The following TMC2 variants were observed in gnomAD, a reference collection of about 807,000 sequenced individuals.
TMC2 encodes the protein transmembrane channel-like protein 2.
TMC2 carries 102 observed loss-of-function variants against 105.9 expected under a neutral mutation model. That is an observed-to-expected ratio of 0.96 (90% CI 0.82 to 1.14). The LOEUF (loss-of-function observed/expected upper bound fraction) is 1.14, where lower values mean the gene tolerates loss of function less well. TMC2 is among the 50% of genes most tolerant of loss of function. The probability of loss-of-function intolerance (pLI) is 0.00; values close to 1 mark genes in which losing one functional copy is unlikely to be tolerated. For missense variants in TMC2, 1,093 were observed against 1,134.3 expected (o/e 0.96, Z 0.52); for synonymous variants, 402 against 422.8 (o/e 0.95, Z 0.60).
intron 15 of TMC2, 48 bp from the exon 16 acceptor site, chr20:2,617,024 C>T: frequency 6.2e-7 from 1 of 1,611,544 alleles, no homozygotes; most frequent in Non-Finnish European, 8.5e-7. Flanking sequence ...CCTTCCCTCG[C>T]CTTCCCTGCT....
At position 2,592,334 on chromosome 20, in the gene TMC2, A is replaced by G; in HGVS notation, c.859A>G (p.Ser287Gly). Reference sequence around the variant, plus strand: ...GGTACTGATGGGCATGCCCTATGGGAGTATTCCCAGAAAGACAGTGCCTCG... The same window carrying G: ...GGTACTGATGGGCATGCCCTATGGGGGTATTCCCAGAAAGACAGTGCCTCG... ...PEVLMGMPYG[S>G]IPRKTVPRAE... Residue 287 changes from serine (S) to glycine (G), a missense_variant, in exon 8 of 20, where the codon AGT (serine) becomes GGT (glycine). Transcript: ENST00000358864. This position sits in a 1 kb window ranked among gnomAD's most constrained non-coding sequence, Gnocchi z 4.9. 2 of 1,613,814 alleles carry G rather than the reference A, an allele frequency of 1.2e-6. No homozygotes were observed. Among genetic ancestry groups the G allele is most frequent in the Non-Finnish European group, 1.7e-6 (2 of 1,179,736 alleles).
At chr20:2,573,748 G>C (rs1182246052) in intron 5 of TMC2, among the ~76,000 whole-genome samples, 2 of 146,698 alleles carry the variant, frequency 1.4e-5, no homozygotes, top group South Asian at 4.2e-4. Context: ...TTTTAGTAGA[G>C]ACGGGGTTTC....
intron 4 of TMC2, among the ~76,000 whole-genome samples, chr20:2,568,839 C>G (rs1298835681): frequency 6.6e-6 from 1 of 152,150 alleles, no homozygotes; most frequent in Non-Finnish European, 1.5e-5. Context: ...GGACAGGCAG[C>G]CTCACTAGCA....
intron 16 of TMC2, among the ~76,000 whole-genome samples, chr20:2,621,939 C>T (rs1033868866): frequency 3.9e-5 from 6 of 152,250 alleles, no homozygotes; most frequent in Middle Eastern, 3.4e-3. Flanking sequence ...TCTAATTCAA[C>T]GACAAAATAA....
At position 2,623,202 on chromosome 20, in the gene TMC2, C is replaced by T. The variant is rs183956638; in HGVS notation, c.2181-1069C>T. Among the ~76,000 whole-genome samples the T allele has an allele frequency of 1.2e-3, 185 of 151,946 alleles. 1 individual carries two copies. Among genetic ancestry groups the T allele is most frequent in the African/African-American group, 4.2e-3 (173 of 41,436 alleles). ...TAGCCACATCAGACAGCACAGCTTT[C>T]GTGGGGAGAACCAGGGCATGATATG... On this transcript the variant is annotated intron_variant, in intron 16 of 19. Transcript: ENST00000358864.
intron 5 of TMC2, 70 bp downstream of exon 5, chr20:2,572,339 G>T: frequency 8.2e-7 from 1 of 1,226,958 alleles, no homozygotes; most frequent in South Asian, 1.2e-5. Flanking sequence ...GACCAACTTC[G>T]GCAACTGCCC....
rs775221825 is a variant in TMC2 at position 2,641,130 on chromosome 20, C to G, written c.2504-4C>G. On this transcript the variant is annotated splice_region_variant and splice_polypyrimidine_tract_variant and intron_variant, in intron 19 of 19. Transcript: ENST00000358864. ...CCTCTTTCTTGTCTTGGTTCGTTTTCCAGAGACCACTCCTCCCTCTGCCAG... is the reference window on the plus strand; with the variant it reads ...CCTCTTTCTTGTCTTGGTTCGTTTTGCAGAGACCACTCCTCCCTCTGCCAG... 14 of 1,613,886 alleles carry G rather than the reference C, an allele frequency of 8.7e-6. No individual in the cohort carries two copies. Among genetic ancestry groups the G allele is most frequent in the Non-Finnish European group, 1.1e-5 (13 of 1,179,848 alleles).
At chr20:2,568,452 C>T (rs2086079474) in intron 4 of TMC2, among the ~76,000 whole-genome samples, 1 of 152,166 alleles carries the variant, frequency 6.6e-6, no homozygotes. Flanking sequence ...GTAGGGTCCC[C>T]TGTTCTCTTG....
chr20:2,581,593 G>A (rs1280924184), intron 7 of TMC2, among the ~76,000 whole-genome samples: 1 of 152,188 alleles, frequency 6.6e-6, no homozygotes, highest in Non-Finnish European at 1.5e-5. Context: ...GTTTTCCTCG[G>A]TAGTCAATGG....
intron 16 of TMC2, among the ~76,000 whole-genome samples, chr20:2,620,370 T>A (rs1272278820): frequency 6.6e-6 from 1 of 152,230 alleles, no homozygotes; most frequent in Non-Finnish European, 1.5e-5. Context: ...TGGATAACCT[T>A]TTGCTAGTGT....
Position 2,607,074 on chromosome 20 carries a change from A to C in TMC2, c.1414-3345A>C, listed in dbSNP as rs187171490. Among the ~76,000 whole-genome samples the C allele has an allele frequency of 2.7e-3, 408 of 152,106 alleles. 2 individuals are homozygous for C. Among genetic ancestry groups the C allele is most frequent in the Admixed American group, 0.014 (208 of 15,284 alleles). On this transcript the variant is annotated intron_variant, in intron 11 of 19. Transcript: ENST00000358864. ...TTTTGGTGCGTTTTCATTATCTGAA[A>C]GTTTAACCTACTTCTTGTTCTCTTT...
At position 2,536,781 on chromosome 20, in the gene TMC2, C is replaced by T. The variant is rs146977953; in HGVS notation, c.34+126C>T. On this transcript the variant is annotated intron_variant, in intron 1 of 19. Coordinates refer to ENST00000358864, the MANE Select transcript of TMC2 (RefSeq NM_080751.3). ...GCTGGGTTTGAGTCCAGGGCCTGTC[C>T]CCTGTGCGCTGAGCGACCTCGGCTG... The T allele has an allele frequency of 3.1e-4, 327 of 1,041,008 alleles. 6 individuals carry two copies. The East Asian group carries it at 8.2e-3, about 26-fold the overall frequency. 64.5% of individuals were successfully genotyped at this position (1,041,008 alleles called of 1,614,324 possible). A position where few individuals can be genotyped will look rare whatever the true frequency, so the allele number is the denominator to read the frequency against.
chr20:2,617,084 C>G lies in TMC2; in HGVS notation c.1953C>G (p.Phe651Leu). 3 of 1,614,242 alleles carry G rather than the reference C, an allele frequency of 1.9e-6. No individual in the cohort carries two copies. Among genetic ancestry groups the G allele is most frequent in the Non-Finnish European group, 2.5e-6 (3 of 1,180,052 alleles). The stretch of plus-strand genomic sequence containing the variant: ...TCTGCCATTCCAGGATGGGCTCCTT[C>G]TATGCTCCAGGCCTGGTGGGCATTA... ...FNQGMIWMGS[F>L]YAPGLVGINV... The change falls in exon 16 of 20, where the codon TTC becomes TTG. Residue 651 changes from phenylalanine to leucine, a missense_variant. Coordinates refer to ENST00000358864, the MANE Select transcript of TMC2 (RefSeq NM_080751.3).
Position 2,592,238 on chromosome 20 carries a change from C to A in TMC2, c.835-72C>A. The stretch of plus-strand genomic sequence containing the variant: ...CCGCTCTGAGAAGGAAAGCATTTAC[C>A]CCAGTATATGAATGTCTCTGTGTGT... On this transcript the variant is annotated intron_variant, in intron 7 of 19. Transcript: ENST00000358864. This position sits in a 1 kb window ranked among gnomAD's most constrained non-coding sequence, Gnocchi z 4.9. The A allele has an allele frequency of 6.6e-6, 6 of 909,358 alleles. No individual in the cohort carries two copies. The highest frequency in any genetic ancestry group is 2.9e-5 in the South Asian group (2 of 69,110). The allele number at this position is 909,358 out of a possible 1,614,324, so 56.3% of individuals were successfully genotyped here. A position where few individuals can be genotyped will look rare whatever the true frequency, so the allele number is the denominator to read the frequency against.
intron 19 of TMC2, among the ~76,000 whole-genome samples, chr20:2,640,804 G>A (rs572697030): frequency 5.9e-5 from 9 of 152,218 alleles, no homozygotes; most frequent in South Asian, 4.1e-4. Context: ...CTCCCCTTCC[G>A]TCATCACTTT....
At chr20:2,563,349 C>G (rs185814052) in intron 4 of TMC2, among the ~76,000 whole-genome samples, 2 of 152,300 alleles carry the variant, frequency 1.3e-5, no homozygotes, top group Admixed American at 6.5e-5. Flanking sequence ...GAAACACCTC[C>G]TCGTAGTGCC....
chr20:2,594,574 C>T (rs2086291806), intron 8 of TMC2, among the ~76,000 whole-genome samples: 1 of 152,148 alleles, frequency 6.6e-6, no homozygotes, highest in African/African-American at 2.4e-5. Flanking sequence ...TCTCTTCTCC[C>T]TCCCATGTCT....
intron 17 of TMC2, among the ~76,000 whole-genome samples, chr20:2,628,417 T>C (rs926858070): frequency 2.0e-5 from 3 of 152,226 alleles, no homozygotes; most frequent in African/African-American, 7.2e-5. Context: ...ATGTTATTTA[T>C]TTTCTATATA....
At chr20:2,559,706 G>A (rs979683629) in intron 3 of TMC2, among the ~76,000 whole-genome samples, 3 of 152,112 alleles carry the variant, frequency 2.0e-5, no homozygotes, top group Admixed American at 6.5e-5. Context: ...CAAGGGCACT[G>A]ATTTTTTTCC....
Sources: allele counts gnomAD v4.1 joint callset (sites outside exome capture counted in the v4.1 genomes callset), GRCh38; gene constraint gnomAD v4.1.1; non-coding constraint Gnocchi (gnomAD v3.1); transcripts MANE v1.5; gene names NCBI Gene and HGNC (gene_info 2026-07-23, HGNC 2026-07-21).